GALNT17: variants seen among roughly 807,000 people sequenced by gnomAD.
GALNT17 encodes the protein polypeptide N-acetylgalactosaminyltransferase 17, also known as UDP-GalNAc:polypeptide N-acetylgalactosaminyltransferase-like 3.
GALNT17 carries 29 observed loss-of-function variants against 63.7 expected under a neutral mutation model. The observed-to-expected ratio is 0.46, with a 90% confidence interval of 0.34 to 0.62. The LOEUF (loss-of-function observed/expected upper bound fraction) is 0.62. Among genes scored for constraint, GALNT17 ranks in the 20% least tolerant of loss-of-function variants. The pLI is 0.01. For synonymous variants in GALNT17, 305 were observed against 318.3 expected (o/e 0.96, Z 0.45); for missense variants, 603 against 799.6 (o/e 0.75, Z 2.97).
intron 5 of GALNT17, among the ~76,000 whole-genome samples, chr7:71,469,571 C>T (rs1787594411): frequency 6.6e-6 from 1 of 152,144 alleles, no homozygotes; most frequent in South Asian, 2.1e-4. Flanking sequence ...TGATTGGGTA[C>T]AAACGAAGAT....
At chr7:71,254,559 C>G (rs1262384232) in intron 1 of GALNT17, among the ~76,000 whole-genome samples, 1 of 152,144 alleles carries the variant, frequency 6.6e-6, no homozygotes, top group African/African-American at 2.4e-5. Flanking sequence ...CTCTGTTTTA[C>G]TTTTAATGCT....
chr7:71,297,129 T>C (rs1562980055), intron 1 of GALNT17, among the ~76,000 whole-genome samples: 2 of 152,164 alleles, frequency 1.3e-5, no homozygotes, highest in African/African-American at 4.8e-5. Flanking sequence ...AGAAAACAAC[T>C]CTCCAGGTTC....
chr7:71,658,750 C>T (rs575660628), intron 6 of GALNT17, among the ~76,000 whole-genome samples: 22 of 152,158 alleles, frequency 1.4e-4, no homozygotes, highest in Middle Eastern at 3.4e-3. Flanking sequence ...TAGCCGTCCA[C>T]GGTGGCACAC....
chr7:71,146,147 C>T (rs1788019028), intron 1 of GALNT17, among the ~76,000 whole-genome samples: 1 of 152,060 alleles, frequency 6.6e-6, no homozygotes, highest in Non-Finnish European at 1.5e-5. Context: ...GGCCTGACTC[C>T]AGATTCAGTC....
At chr7:71,355,134 A>G (rs571700540) in intron 2 of GALNT17, among the ~76,000 whole-genome samples, 1 of 152,250 alleles carries the variant, frequency 6.6e-6, no homozygotes, top group Non-Finnish European at 1.5e-5. Flanking sequence ...ATGTTTTAAA[A>G]AACAGAATTT....
chr7:71,573,000 A>AT (rs1554310836), intron 6 of GALNT17, among the ~76,000 whole-genome samples: 5 of 151,410 alleles, frequency 3.3e-5, no homozygotes, highest in Admixed American at 1.3e-4. Flanking sequence ...TTTTTTATTT[A>AT]TTTATTTTAT....
intron 9 of GALNT17, among the ~76,000 whole-genome samples, chr7:71,698,952 G>T (rs112802856): frequency 9.3e-5 from 14 of 150,678 alleles, no homozygotes; most frequent in African/African-American, 3.2e-4. Context: ...GGGGCAGATT[G>T]CCAGAACTCA....
At chr7:71,459,434 A>G (rs574186702) in intron 5 of GALNT17, among the ~76,000 whole-genome samples, 5 of 152,354 alleles carry the variant, frequency 3.3e-5, no homozygotes, top group African/African-American at 1.2e-4. Flanking sequence ...ACAGTTTACT[A>G]TGTATGGAGA....
At chr7:71,525,408 G>A (rs544487464) in intron 5 of GALNT17, among the ~76,000 whole-genome samples, 3 of 152,032 alleles carry the variant, frequency 2.0e-5, no homozygotes, top group South Asian at 4.2e-4. Flanking sequence ...GGGTTTCACT[G>A]TGTTAGCCAG....
At position 71,709,881 on chromosome 7, in the gene GALNT17, G is replaced by T. The variant is rs189656956; in HGVS notation, c.1501-880G>T. Among the ~76,000 whole-genome samples the T allele has an allele frequency of 2.6e-3, 395 of 152,338 alleles. 1 individual carries two copies. Among genetic ancestry groups the T allele is most frequent in the African/African-American group, 9.0e-3 (373 of 41,578 alleles). On this transcript the variant is annotated intron_variant, in intron 9 of 10. Transcript: ENST00000333538. Reference sequence around the variant, plus strand: ...CCCAAAGTGCTGGGATCACGGGCATGAGCCACTGAGCCTGGCCTAATCTCT... The same window carrying T: ...CCCAAAGTGCTGGGATCACGGGCATTAGCCACTGAGCCTGGCCTAATCTCT...
chr7:71,620,844 G>A (rs1431017801), intron 6 of GALNT17, among the ~76,000 whole-genome samples: 1 of 151,758 alleles, frequency 6.6e-6, no homozygotes, highest in Non-Finnish European at 1.5e-5. Context: ...TTTTTTTCTG[G>A]CATCAATAAG....
At chr7:71,663,225 A>G (rs1790935543) in intron 6 of GALNT17, among the ~76,000 whole-genome samples, 1 of 152,172 alleles carries the variant, frequency 6.6e-6, no homozygotes, top group South Asian at 2.1e-4. Flanking sequence ...TAATTTCTGC[A>G]AGGAATTCAG....
rs564920059 is a variant in GALNT17, at chr7:71,570,063, G to GT, written c.963-1210dup. Reference sequence around the variant, plus strand: ...TCTGGTGGGTTTTGTTTTTTTGGTTGTTTTTTTTTTTTAACTTTTTAATAA... The same window carrying GT: ...TCTGGTGGGTTTTGTTTTTTTGGTTGTTTTTTTTTTTTTAACTTTTTAATAA... On this transcript the variant is annotated intron_variant, in intron 5 of 10. Transcript: ENST00000333538. Among the ~76,000 whole-genome samples the GT allele has an allele frequency of 6.7e-3, 943 of 140,234 alleles. 8 individuals carry two copies. Among genetic ancestry groups the GT allele is most frequent in the African/African-American group, 0.018 (674 of 38,426 alleles). 92.0% of individuals were successfully genotyped at this position (140,234 alleles called of 152,430 possible).
At chr7:71,382,363 A>G (rs1338562391) in intron 2 of GALNT17, among the ~76,000 whole-genome samples, 1 of 152,150 alleles carries the variant, frequency 6.6e-6, no homozygotes, top group Non-Finnish European at 1.5e-5. Flanking sequence ...CTGGGCCACA[A>G]AAGCAAGACT....
intron 2 of GALNT17, among the ~76,000 whole-genome samples, chr7:71,340,911 G>A (rs1791995068): frequency 6.6e-6 from 1 of 152,104 alleles, no homozygotes; most frequent in Non-Finnish European, 1.5e-5. Context: ...AGTGGTGCAT[G>A]CTTGTAATTC....
At chr7:71,133,898 T>A (rs1787734314) in intron 1 of GALNT17, among the ~76,000 whole-genome samples, 1 of 152,162 alleles carries the variant, frequency 6.6e-6, no homozygotes, top group Admixed American at 6.5e-5. Context: ...GGCAGATACG[T>A]ACTTAGGTAC....
chr7:71,240,757 C>T (rs916161100), intron 1 of GALNT17, among the ~76,000 whole-genome samples: 12 of 151,824 alleles, frequency 7.9e-5, no homozygotes, highest in Middle Eastern at 3.2e-3. Context: ...CTCCGCCCCC[C>T]GGGTTCACGC....
At chr7:71,598,898 C>T (rs925982387) in intron 6 of GALNT17, among the ~76,000 whole-genome samples, 18 of 151,822 alleles carry the variant, frequency 1.2e-4, no homozygotes, top group South Asian at 2.1e-4. Flanking sequence ...GGGGTGGTGT[C>T]GGTGGTCTTA....
intron 6 of GALNT17, among the ~76,000 whole-genome samples, chr7:71,644,768 A>AATG (rs1476073929): frequency 3.9e-5 from 6 of 151,930 alleles, no homozygotes; most frequent in African/African-American, 1.5e-4. Flanking sequence ...TAATAATAAT[A>AATG]ATAAAGTAAG....
Sources: allele counts gnomAD v4.1 joint callset (sites outside exome capture counted in the v4.1 genomes callset), GRCh38; gene constraint gnomAD v4.1.1; transcripts MANE v1.5; gene names NCBI Gene and HGNC (gene_info 2026-07-23, HGNC 2026-07-21).